The following SEC23B variants were observed in gnomAD, a reference collection of about 807,000 sequenced individuals.
SEC23B encodes the protein protein transport protein Sec23B.
A neutral mutation model predicts 104.3 loss-of-function variants in SEC23B; 77 were observed. The observed-to-expected ratio is 0.74, with a 90% confidence interval of 0.61 to 0.89. SEC23B has a LOEUF of 0.89. SEC23B is among the 40% of genes least tolerant of loss of function. SEC23B has a pLI of 0.00. For synonymous variants in SEC23B, 338 were observed against 332.5 expected (o/e 1.02, Z -0.18); for missense variants, 885 against 949.4 (o/e 0.93, Z 0.89).
chr20:18,533,823 T>G (rs2060206480), intron 11 of SEC23B, among the ~76,000 whole-genome samples: 1 of 152,198 alleles, frequency 6.6e-6, no homozygotes, highest in Non-Finnish European at 1.5e-5. Flanking sequence ...CCCTATTTCC[T>G]GGCAAGGCTT....
intron 17 of SEC23B, among the ~76,000 whole-genome samples, chr20:18,552,168 C>T (rs1262082183): frequency 6.6e-5 from 10 of 151,254 alleles, no homozygotes; most frequent in Admixed American, 6.6e-4. Flanking sequence ...GATTTGGTTT[C>T]CTAATGGCCA....
intron 19 of SEC23B, among the ~76,000 whole-genome samples, chr20:18,560,122 ATTTT>A (rs386393450): frequency 1.3e-5 from 2 of 151,794 alleles, no homozygotes; most frequent in East Asian, 3.9e-4. Context: ...ATATATATAT[ATTTT>A]TAATTTCTTT....
rs2060437469 is a variant in SEC23B, at chr20:18,556,262, A to T, written c.2214+1089A>T. ...TACTATCCGTGGCCTGCAGTTGGGGACCCCTGATTTAAAGTGTATGGGAGG... is the reference window on the plus strand; with the variant it reads ...TACTATCCGTGGCCTGCAGTTGGGGTCCCCTGATTTAAAGTGTATGGGAGG... On this transcript the variant is annotated intron_variant, in intron 19 of 19. Coordinates refer to ENST00000650089, the MANE Select transcript of SEC23B (RefSeq NM_006363.6). Among the ~76,000 whole-genome samples the T allele has an allele frequency of 3.3e-5, 5 of 152,094 alleles. No homozygotes were observed. The South Asian group carries it at 8.3e-4, about 25-fold the overall frequency.
chr20:18,541,377 A>G (rs115077141), intron 12 of SEC23B, among the ~76,000 whole-genome samples: 1,771 of 152,346 alleles, frequency 0.012, 33 homozygotes, highest in African/African-American at 0.037. Context: ...CTTTGCATTC[A>G]CAGCTTGGCA....
intron 12 of SEC23B, among the ~76,000 whole-genome samples, chr20:18,537,483 C>G (rs957143430): frequency 6.6e-6 from 1 of 151,712 alleles, no homozygotes; most frequent in African/African-American, 2.4e-5. Context: ...AGTAAACTAT[C>G]GCAAGGACAA....
At chr20:18,528,217 A>G (rs1006034935) in intron 9 of SEC23B, among the ~76,000 whole-genome samples, 4 of 152,202 alleles carry the variant, frequency 2.6e-5, no homozygotes, top group African/African-American at 9.7e-5. Context: ...GCAGCTCTCT[A>G]GGAGATTCTA....
chr20:18,530,925 G>A, intron 10 of SEC23B, 122 bp downstream of exon 10: 3 of 729,200 alleles, frequency 4.1e-6, no homozygotes, highest in Admixed American at 2.6e-5. Flanking sequence ...TATGAGGCAT[G>A]AGCCACTGTA....
chr20:18,537,384 T>A (rs993436167), intron 12 of SEC23B, among the ~76,000 whole-genome samples: 4 of 151,810 alleles, frequency 2.6e-5, no homozygotes, highest in African/African-American at 9.7e-5. Context: ...ATGTGGCACA[T>A]ATACACCATG....
chr20:18,531,821 G>C (rs902547814), intron 10 of SEC23B, among the ~76,000 whole-genome samples: 4 of 152,010 alleles, frequency 2.6e-5, no homozygotes, highest in African/African-American at 9.7e-5. Flanking sequence ...AGGCCAAGGT[G>C]GGGTGATTGC....
At chr20:18,542,985 A>AAC in intron 13 of SEC23B, 34 bp from the exon 14 acceptor site, 2 of 1,613,772 alleles carry the variant, frequency 1.2e-6, no homozygotes, top group Non-Finnish European at 1.7e-6. Context: ...ATCTCTCCTA[A>AAC]ACATAAGCAT....
Position 18,538,416 on chromosome 20 carries a change from A to AT in SEC23B, c.1404+2684dup, listed in dbSNP as rs1487265285. Among the ~76,000 whole-genome samples, 111 of 148,548 alleles carry AT rather than the reference A, an allele frequency of 7.5e-4. 1 individual carries two copies. Among genetic ancestry groups the AT allele is most frequent in the African/African-American group, 2.2e-3 (88 of 40,542 alleles). On this transcript the variant is annotated intron_variant, in intron 12 of 19. Transcript: ENST00000650089. ...AGGCACCCGCCACCACGCCCAGCTA[A>AT]TTTTTTTTTTGTATTTTTAGTAGAG...
At chr20:18,552,470 T>G (rs148909289) in intron 17 of SEC23B, among the ~76,000 whole-genome samples, 58 of 152,200 alleles carry the variant, frequency 3.8e-4, no homozygotes, top group Non-Finnish European at 6.6e-4. Flanking sequence ...TTCAATCAAC[T>G]GCAGGTTAAA....
chr20:18,532,617 TG>T, intron 10 of SEC23B, 46 bp from the exon 11 acceptor site: 1 of 1,291,620 alleles, frequency 7.7e-7, no homozygotes, highest in Non-Finnish European at 1.1e-6. Flanking sequence ...GACAGCAGGG[TG>T]GATTGAAGTG....
In SEC23B at chr20:18,537,595, G is replaced by A. The variant is rs1163897282; in HGVS notation, c.1404+1853G>A. Among the ~76,000 whole-genome samples the A allele has an allele frequency of 9.2e-5, 14 of 152,114 alleles. No homozygotes were observed. The East Asian group carries it at 2.5e-3, about 27-fold the overall frequency. ...ACTCTGGGGACTGTTGTGGGGTGGGGGAAGGGGGGAGGAATAACATTAGGA... is the reference window on the plus strand; with the variant it reads ...ACTCTGGGGACTGTTGTGGGGTGGGAGAAGGGGGGAGGAATAACATTAGGA... On this transcript the variant is annotated intron_variant, in intron 12 of 19. Coordinates refer to ENST00000650089, the MANE Select transcript of SEC23B (RefSeq NM_006363.6).
At chr20:18,510,718 A>G in intron 1 of SEC23B, 104 bp from the exon 2 acceptor site, 1 of 898,192 alleles carries the variant, frequency 1.1e-6, no homozygotes, top group Non-Finnish European at 1.8e-6. Flanking sequence ...GTGAGCTGAG[A>G]TGGGAAAAAA....
chr20:18,543,312 C>A, intron 14 of SEC23B, 140 bp downstream of exon 14: 1 of 1,053,816 alleles, frequency 9.5e-7, no homozygotes, highest in Non-Finnish European at 1.4e-6. Flanking sequence ...GCTGGACATT[C>A]TGTTAAAGAC....
chr20:18,549,429 GTACA>G (rs1331198508), intron 16 of SEC23B, among the ~76,000 whole-genome samples: 1 of 152,038 alleles, frequency 6.6e-6, no homozygotes, highest in Non-Finnish European at 1.5e-5. Context: ...AAACAAGTCT[GTACA>G]TGTACAGTAC....
intron 17 of SEC23B, 38 bp from the exon 18 acceptor site, chr20:18,554,197 G>C: frequency 1.2e-6 from 2 of 1,613,442 alleles, no homozygotes; most frequent in African/African-American, 1.3e-5. Context: ...TGTTATTACA[G>C]TTTCCACAAT....
intron 2 of SEC23B, among the ~76,000 whole-genome samples, chr20:18,511,761 CT>C (rs1424119763): frequency 6.6e-6 from 1 of 152,148 alleles, no homozygotes; most frequent in African/African-American, 2.4e-5. Flanking sequence ...GTGAAATGTG[CT>C]TGCCCAACTT....
Sources: allele counts gnomAD v4.1 joint callset (sites outside exome capture counted in the v4.1 genomes callset), GRCh38; gene constraint gnomAD v4.1.1; transcripts MANE v1.5; gene names NCBI Gene and HGNC (gene_info 2026-07-23, HGNC 2026-07-21).